The following MEIKIN variants were observed in gnomAD, a reference collection of about 807,000 sequenced individuals.
MEIKIN encodes meiosis-specific kinetochore protein.
intron 7 of MEIKIN, among the ~76,000 whole-genome samples, chr5:131,915,051 T>G (rs1046565130): frequency 6.6e-6 from 1 of 152,108 alleles, no homozygotes; most frequent in African/African-American, 2.4e-5. Context: ...TTCTCTTAAT[T>G]CCTGGGCATT....
chr5:131,874,581 T>C (rs1221362165), intron 9 of MEIKIN, among the ~76,000 whole-genome samples: 2 of 152,222 alleles, frequency 1.3e-5, no homozygotes, highest in Admixed American at 1.3e-4. Context: ...GAGGAGCTGG[T>C]ACCATTCCTT....
intron 11 of MEIKIN, among the ~76,000 whole-genome samples, chr5:131,821,630 CTTTTTTTTTTTTTT>C (rs375765946): frequency 4.4e-4 from 22 of 50,452 alleles, no homozygotes; most frequent in Non-Finnish European, 7.5e-4. Flanking sequence ...TGAGGTCTGC[CTTTTTTTTTTTTTT>C]TTTTTTTTTT....
chr5:131,874,888 A>C (rs1345417722), intron 9 of MEIKIN, among the ~76,000 whole-genome samples: 1 of 152,256 alleles, frequency 6.6e-6, no homozygotes, highest in Non-Finnish European at 1.5e-5. Context: ...AACCAAAGAC[A>C]AAAACCACAT....
chr5:131,837,888 T>C (rs938512944), intron 11 of MEIKIN, among the ~76,000 whole-genome samples: 9 of 152,116 alleles, frequency 5.9e-5, no homozygotes, highest in Admixed American at 1.3e-4. Flanking sequence ...AGATTCCTAA[T>C]ACTATACTAA....
At chr5:131,817,399 C>T (rs571176744) in intron 12 of MEIKIN, among the ~76,000 whole-genome samples, 35 of 151,970 alleles carry the variant, frequency 2.3e-4, no homozygotes, top group Non-Finnish European at 2.8e-4. Flanking sequence ...ATCACAAGGT[C>T]ACGAGATCGA....
At chr5:131,876,150 CT>C in intron 9 of MEIKIN, among the ~76,000 whole-genome samples, 1 of 152,280 alleles carries the variant, frequency 6.6e-6, no homozygotes, top group East Asian at 1.9e-4. Context: ...GAAATGGGAT[CT>C]AATTAAACTA....
At chr5:131,855,428 G>A (rs1750175968) in intron 9 of MEIKIN, among the ~76,000 whole-genome samples, 2 of 152,120 alleles carry the variant, frequency 1.3e-5, no homozygotes, top group Non-Finnish European at 1.5e-5. Flanking sequence ...CAGACAGGTA[G>A]ACAAAGCAAG....
intron 8 of MEIKIN, among the ~76,000 whole-genome samples, chr5:131,889,576 T>C (rs534969033): frequency 6.6e-6 from 1 of 152,370 alleles, no homozygotes; most frequent in Non-Finnish European, 1.5e-5. Flanking sequence ...CTTGAGACTT[T>C]GCTGAAGTTG....
intron 8 of MEIKIN, among the ~76,000 whole-genome samples, chr5:131,898,307 A>C (rs1751088908): frequency 6.6e-6 from 1 of 152,162 alleles, no homozygotes; most frequent in Non-Finnish European, 1.5e-5. Context: ...TTTGTCCCAG[A>C]GGGGCAGCCG....
chr5:131,854,077 G>A (rs1580873488), intron 10 of MEIKIN, among the ~76,000 whole-genome samples: 2 of 152,142 alleles, frequency 1.3e-5, no homozygotes, highest in Non-Finnish European at 2.9e-5. Flanking sequence ...ATTGTCAAAA[G>A]GCAGAAGCAA....
intron 8 of MEIKIN, among the ~76,000 whole-genome samples, chr5:131,905,522 A>C (rs1751229270): frequency 6.6e-6 from 1 of 152,220 alleles, no homozygotes; most frequent in African/African-American, 2.4e-5. Context: ...AAAAGAATTA[A>C]TCTGATAGAC....
intron 8 of MEIKIN, among the ~76,000 whole-genome samples, chr5:131,887,600 T>A (rs926104882): frequency 2.0e-5 from 3 of 152,222 alleles, no homozygotes; most frequent in Admixed American, 1.3e-4. Context: ...ATGATGAGCA[T>A]TATTTCATGT....
At chr5:131,826,449 C>T (rs182346053) in intron 11 of MEIKIN, among the ~76,000 whole-genome samples, 1 of 152,170 alleles carries the variant, frequency 6.6e-6, no homozygotes, top group East Asian at 1.9e-4. Flanking sequence ...CTTAAAAGTA[C>T]TGTAAGGTCC....
intron 5 of MEIKIN, among the ~76,000 whole-genome samples, chr5:131,924,690 T>G (rs1315647678): frequency 6.6e-6 from 1 of 152,214 alleles, no homozygotes; most frequent in Non-Finnish European, 1.5e-5. Flanking sequence ...TGCTTAATTT[T>G]GCTATTCAGT....
intron 9 of MEIKIN, among the ~76,000 whole-genome samples, chr5:131,864,507 G>A (rs957553357): frequency 1.3e-5 from 2 of 152,064 alleles, no homozygotes; most frequent in Admixed American, 6.6e-5. Context: ...TAGTATCCTC[G>A]GCTGGCAGAT....
chr5:131,883,795 CCA>C (rs1750734326), intron 8 of MEIKIN, among the ~76,000 whole-genome samples: 1 of 152,200 alleles, frequency 6.6e-6, no homozygotes, highest in Non-Finnish European at 1.5e-5. Context: ...ATCACCAATG[CCA>C]CACCTCCTTC....
rs915809960 is a variant in MEIKIN at position 131,944,742 on chromosome 5, C to G, written c.211G>C (p.Gly71Arg). The part of the protein sequence containing the change: ...SGSGPFSPRL[G>R]VTGEKSLQEN... ...TGCAGGCTTTTCTCTCCTGTAACTC[C>G]TAAGCGAGGGCTAACAAAGAGACAA... The change falls in exon 3 of 13, where the codon GGA becomes CGA. Residue 71 changes from glycine (G) to arginine (R), a missense_variant. By Grantham distance (125) the Gly-to-Arg change is moderately radical. Transcript: ENST00000442687. The G allele has an allele frequency of 5.3e-5, 21 of 398,980 alleles. No homozygotes were observed. The highest frequency in any genetic ancestry group is 8.0e-5 in the Non-Finnish European group (18 of 226,092). The allele number at this position is 398,980 out of a possible 1,614,324, so 24.7% of individuals were successfully genotyped here.
chr5:131,939,377 T>C (rs563294377), intron 4 of MEIKIN, among the ~76,000 whole-genome samples: 1 of 152,282 alleles, frequency 6.6e-6, no homozygotes, highest in South Asian at 2.1e-4. Flanking sequence ...TCAGCTTTTT[T>C]TTTTTTTAAG....
intron 9 of MEIKIN, among the ~76,000 whole-genome samples, chr5:131,860,611 ATTTTT>A (rs201743541): frequency 1.2e-5 from 1 of 81,370 alleles, no homozygotes; most frequent in African/African-American, 3.0e-5. Flanking sequence ...TGCCAGGATA[ATTTTT>A]TTTTTTATTT....
Sources: gnomAD v4.1 joint callset for allele counts (sites outside exome capture counted in the v4.1 genomes callset) on GRCh38, gnomAD v4.1.1 for gene constraint, MANE v1.5 for transcripts, NCBI Gene and HGNC (gene_info 2026-07-23, HGNC 2026-07-21) for gene names.